The following ANXA8 variants were observed in gnomAD, a reference collection of about 807,000 sequenced individuals.
The protein encoded by ANXA8 is VAC-beta.
A neutral mutation model predicts 26.8 loss-of-function variants in ANXA8; 9 were observed. The ratio of observed to expected loss-of-function variants is 0.34; its 90% confidence interval spans 0.20 to 0.59. ANXA8 has a LOEUF of 0.59. ANXA8 is among the 20% of genes least tolerant of loss of function. The probability of loss-of-function intolerance (pLI) is 0.84; values close to 1 mark genes in which losing one functional copy is unlikely to be tolerated. For missense variants in ANXA8, 83 were observed against 238.5 expected, an observed-to-expected ratio of 0.35 and a Z score of 4.29; for synonymous variants, 39 against 94.8, an observed-to-expected ratio of 0.41 and a Z score of 3.42.
chr10:47,647,437 A>G, the ANXA8 span, among the ~76,000 whole-genome samples: 7 of 150,750 alleles, frequency 4.6e-5, no homozygotes, highest in East Asian at 3.8e-4. Flanking sequence ...GGTAAGTGTT[A>G]TCTCTGATTT....
the ANXA8 span, among the ~76,000 whole-genome samples, chr10:47,701,918 G>C: frequency 6.6e-6 from 1 of 151,372 alleles, no homozygotes; most frequent in African/African-American, 2.4e-5. Context: ...CTGTGGAAAA[G>C]AGTATATTGA....
At chr10:47,519,088 A>C in the ANXA8 span, among the ~76,000 whole-genome samples, 3 of 136,008 alleles carry the variant, frequency 2.2e-5, no homozygotes, top group Non-Finnish European at 4.6e-5. Context: ...AGTGGGAGGC[A>C]TTTGGGTAAT....
chr10:47,497,250 G>A, the ANXA8 span, among the ~76,000 whole-genome samples: 592 of 137,388 alleles, frequency 4.3e-3, 1 homozygote, highest in Admixed American at 6.5e-3. Flanking sequence ...AACCCGGGAG[G>A]AGAGGCTGCA....
the ANXA8 span, among the ~76,000 whole-genome samples, chr10:47,671,317 G>A: frequency 1.6e-4 from 24 of 151,686 alleles, 1 homozygote; most frequent in African/African-American, 4.4e-4. Context: ...AGCTACTTGC[G>A]AGTCTGAGGT....
the ANXA8 span, among the ~76,000 whole-genome samples, chr10:47,958,121 A>T: frequency 2.0e-5 from 3 of 150,274 alleles, no homozygotes; most frequent in Admixed American, 1.3e-4. Context: ...ATAACAAAAG[A>T]CAGAACACCA....
At chr10:47,495,356 G>A in the ANXA8 span, among the ~76,000 whole-genome samples, 2,536 of 145,472 alleles carry the variant, frequency 0.017, 11 homozygotes, top group African/African-American at 0.035. Context: ...CATGATCTCG[G>A]CTCACTGCAA....
At chr10:47,643,385 C>T in the ANXA8 span, among the ~76,000 whole-genome samples, 2 of 141,916 alleles carry the variant, frequency 1.4e-5, no homozygotes, top group Admixed American at 6.8e-5. Context: ...AAAAATTAGC[C>T]GGGCATGGTT....
At chr10:47,540,638 AGAGACAGTTGAAGGGACACAG>A in the ANXA8 span, among the ~76,000 whole-genome samples, 1 of 120,620 alleles carries the variant, frequency 8.3e-6, no homozygotes, top group Non-Finnish European at 1.7e-5. Context: ...AAAGACTAAC[AGAGACAGTTGAAGGGACACAG>A]GAGACAGGCC....
chr10:47,680,705 A>T, the ANXA8 span, among the ~76,000 whole-genome samples: 8 of 147,006 alleles, frequency 5.4e-5, no homozygotes, highest in East Asian at 5.8e-4. Context: ...AAAATAAATT[A>T]AAAAAAAATT....
the ANXA8 span, among the ~76,000 whole-genome samples, chr10:47,503,760 CA>C: frequency 1.6e-5 from 1 of 63,662 alleles, no homozygotes; most frequent in Non-Finnish European, 3.1e-5. Flanking sequence ...CCTGTCTTTA[CA>C]AAAAAAAAAA....
At chr10:47,487,929 T>C (rs1489135460), upstream of ANXA8, among the ~76,000 whole-genome samples, 1 of 151,260 alleles carries the variant, frequency 6.6e-6, no homozygotes, top group Non-Finnish European at 1.5e-5. Context: ...TCTAAATGTT[T>C]ACGATGTCTT....
At chr10:47,651,113 C>T in the ANXA8 span, among the ~76,000 whole-genome samples, 1 of 151,324 alleles carries the variant, frequency 6.6e-6, no homozygotes, top group African/African-American at 2.4e-5. Flanking sequence ...GTGGGAGGAT[C>T]TGCTTGAGCC....
chr10:47,733,203 T>TTCTCTCTCTCTCTCTC, the ANXA8 span, among the ~76,000 whole-genome samples: 3 of 107,782 alleles, frequency 2.8e-5, no homozygotes, highest in Admixed American at 9.7e-5. Context: ...CTTTCTTTCT[T>TTCTCTCTCTCTCTCTC]TCTTTCTTTC....
chr10:47,664,596 C>T, the ANXA8 span, among the ~76,000 whole-genome samples: 1 of 149,140 alleles, frequency 6.7e-6, no homozygotes, highest in Non-Finnish European at 1.5e-5. Flanking sequence ...AATAATAATT[C>T]TCAGTAATTT....
chr10:47,593,451 C>T, the ANXA8 span, among the ~76,000 whole-genome samples: 2 of 149,896 alleles, frequency 1.3e-5, no homozygotes, highest in Admixed American at 6.6e-5. Flanking sequence ...GCCCAGAAAG[C>T]GTGCACTGAA....
chr10:47,743,343 T>TATATATATACACAG, the ANXA8 span, among the ~76,000 whole-genome samples: 1 of 14,768 alleles, frequency 6.8e-5, no homozygotes, highest in Non-Finnish European at 1.7e-4. Flanking sequence ...TATATATACA[T>TATATATATACACAG]ATATATATAT....
At chr10:47,950,687 A>T in the ANXA8 span, among the ~76,000 whole-genome samples, 1 of 150,784 alleles carries the variant, frequency 6.6e-6, no homozygotes, top group Non-Finnish European at 1.5e-5. Context: ...ATATCTAGAA[A>T]ATCCCCAAGT....
chr10:47,897,023 C>T, the ANXA8 span, among the ~76,000 whole-genome samples: 11 of 132,818 alleles, frequency 8.3e-5, no homozygotes, highest in African/African-American at 1.2e-4. Context: ...CTCTGTCTCC[C>T]GGGTTCAAGC....
At chr10:47,768,121 C>A in the ANXA8 span, among the ~76,000 whole-genome samples, 1 of 150,964 alleles carries the variant, frequency 6.6e-6, no homozygotes, top group African/African-American at 2.5e-5. Flanking sequence ...TCAATCGTCA[C>A]CTCTGGGCAC....
Sources: gnomAD v4.1 joint callset for allele counts (sites outside exome capture counted in the v4.1 genomes callset) on GRCh38, gnomAD v4.1.1 for gene constraint, MANE v1.5 for transcripts, NCBI Gene and HGNC (gene_info 2026-07-23, HGNC 2026-07-21) for gene names.